The following CDK10 variants were observed in gnomAD, a reference collection of about 807,000 sequenced individuals.
The protein encoded by CDK10 is cyclin-dependent kinase 10.
CDK10 carries 55 observed loss-of-function variants against 51.0 expected under a neutral mutation model. That is an observed-to-expected ratio of 1.08 (90% CI 0.87 to 1.35). The LOEUF (loss-of-function observed/expected upper bound fraction) is 1.35, where lower values mean the gene tolerates loss of function less well. Among genes scored for constraint, CDK10 ranks in the 40% most tolerant of loss-of-function variants. The pLI, the probability that CDK10 is intolerant of heterozygous loss-of-function variation, is 0.00. For missense variants in CDK10, 589 were observed against 485.1 expected, an observed-to-expected ratio of 1.21 and a Z score of -2.01; for synonymous variants, 255 against 199.1, an observed-to-expected ratio of 1.28 and a Z score of -2.36.
chr16:89,695,063 A>G lies in CDK10; in HGVS notation c.925A>G (p.Lys309Glu). The change falls in exon 11 of 13, where the codon AAG becomes GAG. Residue 309 changes from lysine to glutamate, a missense_variant. By Grantham distance (56) the Lys-to-Glu change is moderately conservative. Coordinates refer to ENST00000353379, the MANE Select transcript of CDK10 (RefSeq NM_052988.5). ...GCACTTCCTGTTCATGTACGACCCT[A>G]AGAAAAGGTGCTGATCTCTGCACGG... is the stretch of plus-strand genomic sequence containing the variant. ...LLHFLFMYDP[K>E]KRATAGDCLE... is the part of the protein sequence containing the mutation. 1 of 1,612,768 alleles carries G rather than the reference A, an allele frequency of 6.2e-7. No individual in the cohort carries two copies. The highest frequency in any genetic ancestry group is 2.2e-5 in the East Asian group (1 of 44,860).
In CDK10 at chr16:89,691,504, C is replaced by G. The variant is rs188735443; in HGVS notation, c.294C>G (p.Ile98Met). 2 of 1,613,940 alleles carry G rather than the reference C, an allele frequency of 1.2e-6. No homozygotes were observed. Among genetic ancestry groups the G allele is most frequent in the South Asian group, 1.1e-5 (1 of 91,072 alleles). The change falls in exon 4 of 13, where the codon ATC becomes ATG. Residue 98 changes from isoleucine to methionine, a missense_variant. Coordinates refer to ENST00000353379, the MANE Select transcript of CDK10 (RefSeq NM_052988.5). The part of the protein sequence containing the change: ...TLLLRLRHPN[I>M]VELKEVVVGN... ...TGCTCCGCCTGCGTCATCCGAACATCGTGGAGCTGAAGGAGGTGGTTGTGG... is the reference window on the plus strand; with the variant it reads ...TGCTCCGCCTGCGTCATCCGAACATGGTGGAGCTGAAGGAGGTGGTTGTGG...
rs138305086 is a variant in CDK10, at chr16:89,690,120, G to A, written c.161-433G>A. 4.2e-3 allele frequency: 752 copies of A among 180,282 alleles called. 2 individuals carry two copies. Among genetic ancestry groups the A allele is most frequent in the African/African-American group, 0.016 (692 of 42,444 alleles). The allele number at this position is 180,282 out of a possible 1,614,324, so 11.2% of individuals were successfully genotyped here. On this transcript the variant is annotated intron_variant, in intron 2 of 12. Transcript: ENST00000353379. Reference sequence around the variant, plus strand: ...AGGTTATAACAGATGTGAAATTGGCGTAGGTCATTCTGGAAGCTGCACACA... The same window carrying A: ...AGGTTATAACAGATGTGAAATTGGCATAGGTCATTCTGGAAGCTGCACACA...
intron 3 of CDK10, 126 bp from the exon 4 acceptor site, chr16:89,691,317 A>C: frequency 3.2e-6 from 2 of 619,316 alleles, no homozygotes; most frequent in South Asian, 2.4e-5. Context: ...GGTCGCCCCA[A>C]TTCTCCCTGA....
intron 7 of CDK10, 23 bp from the exon 8 acceptor site, chr16:89,693,375 A>G (rs370985556): frequency 6.2e-7 from 1 of 1,614,006 alleles, no homozygotes; most frequent in African/African-American, 1.3e-5. Flanking sequence ...ACTTGGTGAC[A>G]CACACTCCCC....
In CDK10 at chr16:89,695,750, G is replaced by C; in HGVS notation, c.*58G>C. Reference sequence around the variant, plus strand: ...CCAGGTCTTCCGATCAGTGGTGTCTGTGAAGGGTGCCGCGAGCCAGGCTGA... The same window carrying C: ...CCAGGTCTTCCGATCAGTGGTGTCTCTGAAGGGTGCCGCGAGCCAGGCTGA... On this transcript the variant is annotated 3_prime_UTR_variant, in exon 13 of 13. Transcript: ENST00000353379. 6.3e-7 allele frequency: 1 copy of C among 1,590,278 alleles called. No individual in the cohort carries two copies. The highest frequency in any genetic ancestry group is 8.5e-7 in the Non-Finnish European group (1 of 1,171,164).
At position 89,689,269 on chromosome 16, in the gene CDK10, T is replaced by G. The variant is rs992267979; in HGVS notation, c.105T>G (p.Ser35Arg). The G allele has an allele frequency of 1.2e-6, 2 of 1,613,528 alleles. No individual in the cohort carries two copies. Among genetic ancestry groups the G allele is most frequent in the East Asian group, 4.5e-5 (2 of 44,862 alleles). Residue 35 changes from serine (S) to arginine (R), a missense_variant, in exon 2 of 13, where the codon AGT (serine) becomes AGG (arginine). Coordinates refer to ENST00000353379, the MANE Select transcript of CDK10 (RefSeq NM_052988.5). ...TGTTTCAGCTGGGACGATGCCGGAG[T>G]GTGAAGGAGTTTGAGAAGCTGAACC... is the stretch of plus-strand genomic sequence containing the variant. ...PPEHRLGRCRSVKEFEKLNRI... is the reference protein window; with the variant it reads ...PPEHRLGRCRRVKEFEKLNRI...
chr16:89,691,343 G>A lies in CDK10; in HGVS notation c.233-100G>A, dbSNP rs1252627382. On this transcript the variant is annotated intron_variant, in intron 3 of 12. Transcript: ENST00000353379. ...TTCTCCCTGAGGTGGGGACACTGCA[G>A]CACCTGCTATCAGGTGTTCGTGAAG... 8.8e-6 allele frequency: 7 copies of A among 796,380 alleles called. No individual in the cohort carries two copies. In the African/African-American group the frequency reaches 1.0e-4, roughly 12 times the overall value. The allele number at this position is 796,380 out of a possible 1,614,324, so 49.3% of individuals were successfully genotyped here.
chr16:89,692,085 G>C, intron 5 of CDK10, 198 bp downstream of exon 5: 1 of 608,968 alleles, frequency 1.6e-6, no homozygotes, highest in South Asian at 2.0e-5. Flanking sequence ...CCCCAGGGCC[G>C]AGAGCCTTAT....
chr16:89,692,247 G>A (rs563885928), intron 5 of CDK10: 2 of 537,274 alleles, frequency 3.7e-6, no homozygotes, highest in East Asian at 3.2e-5. Context: ...GGAGAGTGCA[G>A]CCCCGGGGCC....
At chr16:89,694,146 T>C in intron 8 of CDK10, 27 bp from the exon 9 acceptor site, 3 of 1,611,402 alleles carry the variant, frequency 1.9e-6, no homozygotes, top group Non-Finnish European at 2.5e-6. Context: ...GAGCCGGCTG[T>C]ATTGAGGTGG....
chr16:89,687,195 G>C lies in CDK10; in HGVS notation c.87+398G>C, dbSNP rs2060232598. 1.6e-5 allele frequency: 4 copies of C among 255,882 alleles called. No individual in the cohort carries two copies. In the South Asian group the frequency reaches 1.6e-4, roughly 10 times the overall value. The allele number at this position is 255,882 out of a possible 1,614,324, so 15.9% of individuals were successfully genotyped here. On this transcript the variant is annotated intron_variant, in intron 1 of 12. Coordinates refer to ENST00000353379, the MANE Select transcript of CDK10 (RefSeq NM_052988.5). ...GAGTTCGAGCTTGAAGGCTCCCGCTGGGCTTGGGCTGCATGGAGCGGGGTC... is the reference window on the plus strand; with the variant it reads ...GAGTTCGAGCTTGAAGGCTCCCGCTCGGCTTGGGCTGCATGGAGCGGGGTC...
intron 5 of CDK10, chr16:89,692,177 C>A: frequency 1.9e-6 from 1 of 521,708 alleles, no homozygotes; most frequent in Non-Finnish European, 3.3e-6. Flanking sequence ...TCCTGGGCTG[C>A]TGGGAGCGGG....
intron 2 of CDK10, 24 bp downstream of exon 2, chr16:89,689,348 G>A (rs1330114717): frequency 1.3e-5 from 21 of 1,603,974 alleles, no homozygotes; most frequent in Non-Finnish European, 1.8e-5. Flanking sequence ...GCTAGGACAT[G>A]TGGCCGCAGC....
intron 2 of CDK10, 86 bp downstream of exon 2, chr16:89,689,410 G>A: frequency 8.6e-7 from 1 of 1,164,796 alleles, no homozygotes. Context: ...GCCGCGTTGG[G>A]GCTGGAAGGG....
chr16:89,688,644 C>T (rs1209545809), intron 1 of CDK10, among the ~76,000 whole-genome samples: 1 of 152,172 alleles, frequency 6.6e-6, no homozygotes, highest in Non-Finnish European at 1.5e-5. Context: ...CACTGGGTAG[C>T]GTTTCATAAC....
Position 89,694,163 on chromosome 16 carries a change from CTG to C in CDK10, c.609-4_609-3del, listed in dbSNP as rs1567522245. Reference sequence around the variant, plus strand: ...GCCGGCTGTATTGAGGTGGGTGCTTCTGTGTGTAGGTACCGAGCCCCTGAACT... The same window carrying C: ...GCCGGCTGTATTGAGGTGGGTGCTTCTGTGTAGGTACCGAGCCCCTGAACT... On this transcript the variant is annotated splice_polypyrimidine_tract_variant and splice_region_variant and intron_variant, in intron 8 of 12. Coordinates refer to ENST00000353379, the MANE Select transcript of CDK10 (RefSeq NM_052988.5). The C allele has an allele frequency of 1.2e-6, 2 of 1,613,858 alleles. No individual in the cohort carries two copies. Among genetic ancestry groups the C allele is most frequent in the East Asian group, 4.5e-5 (2 of 44,864 alleles).
At chr16:89,688,183 G>A (rs578111110) in intron 1 of CDK10, among the ~76,000 whole-genome samples, 1 of 144,452 alleles carries the variant, frequency 6.9e-6, no homozygotes, top group Non-Finnish European at 1.5e-5. Context: ...CTGGGTTCAC[G>A]CCATCCTCCT....
At chr16:89,692,016 T>G (rs1273026702) in intron 5 of CDK10, 129 bp downstream of exon 5, 2 of 735,216 alleles carry the variant, frequency 2.7e-6, no homozygotes, top group Non-Finnish European at 4.5e-6. Context: ...TCCCAGTGTT[T>G]CAGCGAGCTT....
intron 1 of CDK10, among the ~76,000 whole-genome samples, chr16:89,688,283 C>T (rs1322803344): frequency 2.0e-5 from 3 of 151,856 alleles, no homozygotes; most frequent in Admixed American, 1.3e-4. Context: ...GGAGTTTCAC[C>T]GTGTTAGTCA....
Sources: gnomAD v4.1 joint callset for allele counts (sites outside exome capture counted in the v4.1 genomes callset) on GRCh38, gnomAD v4.1.1 for gene constraint, MANE v1.5 for transcripts, NCBI Gene and HGNC (gene_info 2026-07-23, HGNC 2026-07-21) for gene names.